The following SUGCT variants were observed in gnomAD, a reference collection of about 807,000 sequenced individuals.
The protein encoded by SUGCT is succinyl-CoA:glutarate-CoA transferase.
SUGCT carries 41 observed loss-of-function variants against 55.0 expected under a neutral mutation model. That is an observed-to-expected ratio of 0.74 (90% CI 0.58 to 0.97). SUGCT has a LOEUF of 0.97. Among genes scored for constraint, SUGCT ranks in the 50% least tolerant of loss-of-function variants. The pLI is 0.00. For synonymous variants in SUGCT, 187 were observed against 200.4 expected, an observed-to-expected ratio of 0.93 and a Z score of 0.56; for missense variants, 568 against 547.8, an observed-to-expected ratio of 1.04 and a Z score of -0.37.
chr7:40,535,818 T>C (rs1028270679), intron 12 of SUGCT, among the ~76,000 whole-genome samples: 1 of 152,192 alleles, frequency 6.6e-6, no homozygotes, highest in African/African-American at 2.4e-5. Flanking sequence ...ATTACAGATA[T>C]GAGCCACTGC....
At chr7:40,238,169 G>T (rs1204728716) in intron 7 of SUGCT, among the ~76,000 whole-genome samples, 2 of 152,120 alleles carry the variant, frequency 1.3e-5, no homozygotes, top group South Asian at 2.1e-4. Context: ...ATAGCAGAGG[G>T]TCTATTTTTC....
At chr7:40,536,558 A>T (rs1278035255) in intron 12 of SUGCT, among the ~76,000 whole-genome samples, 1 of 152,264 alleles carries the variant, frequency 6.6e-6, no homozygotes, top group Non-Finnish European at 1.5e-5. Context: ...AGATAGCCAC[A>T]TAGGGCCAGG....
chr7:40,897,539 C>G, the SUGCT span, among the ~76,000 whole-genome samples: 1 of 151,796 alleles, frequency 6.6e-6, no homozygotes, highest in Non-Finnish European at 1.5e-5. Flanking sequence ...GGATAGGATC[C>G]AAGTTATGTT....
chr7:40,568,335 GCA>G (rs145240668), intron 12 of SUGCT, among the ~76,000 whole-genome samples: 3 of 150,346 alleles, frequency 2.0e-5, no homozygotes, highest in Non-Finnish European at 4.5e-5. Context: ...ACACACACAT[GCA>G]CACACACACA....
intron 7 of SUGCT, among the ~76,000 whole-genome samples, chr7:40,273,243 C>T (rs560513465): frequency 6.6e-6 from 1 of 152,196 alleles, no homozygotes; most frequent in East Asian, 1.9e-4. Flanking sequence ...AGTTTAGCTA[C>T]TATACCGTCT....
intron 1 of SUGCT, among the ~76,000 whole-genome samples, chr7:40,174,658 A>G (rs1415153720): frequency 6.6e-6 from 1 of 152,210 alleles, no homozygotes; most frequent in African/African-American, 2.4e-5. Context: ...ACATAAATAA[A>G]TGAATAAAGT....
At chr7:41,034,313 G>A in the SUGCT span, among the ~76,000 whole-genome samples, 1 of 152,164 alleles carries the variant, frequency 6.6e-6, no homozygotes, top group Non-Finnish European at 1.5e-5. Flanking sequence ...TATCTGTGTG[G>A]TCGAGAGAAT....
rs375904118 is a variant in SUGCT at position 40,266,185 on chromosome 7, C to CTTTCCTTT, written c.577-8325_577-8324insCCTTTTTT. Among the ~76,000 whole-genome samples, 108 of 116,812 alleles carry CTTTCCTTT rather than the reference C, an allele frequency of 9.2e-4. 1 individual carries two copies. Among genetic ancestry groups the CTTTCCTTT allele is most frequent in the Non-Finnish European group, 8.5e-4 (51 of 59,670 alleles). 76.6% of individuals were successfully genotyped at this position (116,812 alleles called of 152,430 possible). ...TTTTTCTTTTCTTTTCTTTCCTTTC[C>CTTTCCTTT]TTTTTTTTTTTTTTTTGAGGTGGAG... On this transcript the variant is annotated intron_variant, in intron 7 of 13. Transcript: ENST00000335693.
chr7:40,948,813 C>T, the SUGCT span, among the ~76,000 whole-genome samples: 5 of 152,236 alleles, frequency 3.3e-5, no homozygotes, highest in Admixed American at 2.6e-4. Context: ...CATAGTATTC[C>T]ATGGTGTATA....
intron 7 of SUGCT, among the ~76,000 whole-genome samples, chr7:40,261,872 T>A (rs906265322): frequency 2.0e-5 from 3 of 152,234 alleles, no homozygotes; most frequent in African/African-American, 7.2e-5. Flanking sequence ...GCACAGAAAC[T>A]GTAACTAAGA....
intron 1 of SUGCT, among the ~76,000 whole-genome samples, chr7:40,144,250 G>T (rs1484627421): frequency 6.6e-6 from 1 of 152,122 alleles, no homozygotes; most frequent in East Asian, 1.9e-4. Flanking sequence ...GGTATAACAA[G>T]GCAAGCATCA....
chr7:40,168,166 C>T (rs1008214855), intron 1 of SUGCT, among the ~76,000 whole-genome samples: 4 of 152,158 alleles, frequency 2.6e-5, no homozygotes, highest in African/African-American at 9.7e-5. Flanking sequence ...GGTCACCTTC[C>T]CAGCTAGTCT....
intron 12 of SUGCT, among the ~76,000 whole-genome samples, chr7:40,619,037 C>A (rs1799145018): frequency 6.6e-6 from 1 of 152,144 alleles, no homozygotes; most frequent in Non-Finnish European, 1.5e-5. Flanking sequence ...ATTCAACACT[C>A]CCTACCTCTA....
At chr7:40,294,593 GAGTGC>G (rs1433153381) in intron 8 of SUGCT, among the ~76,000 whole-genome samples, 1 of 152,102 alleles carries the variant, frequency 6.6e-6, no homozygotes, top group Non-Finnish European at 1.5e-5. Context: ...ACCCAGGCTG[GAGTGC>G]AGTGGCATTG....
At chr7:40,868,318 C>A in the SUGCT span, among the ~76,000 whole-genome samples, 2 of 152,126 alleles carry the variant, frequency 1.3e-5, no homozygotes, top group Admixed American at 6.5e-5. Flanking sequence ...CCTCCCCTCA[C>A]CCCTCACCCC....
At chr7:40,595,815 C>T (rs1211632292) in intron 12 of SUGCT, among the ~76,000 whole-genome samples, 2 of 152,110 alleles carry the variant, frequency 1.3e-5, no homozygotes, top group Non-Finnish European at 2.9e-5. Context: ...ACACTGTGAG[C>T]TGGATTGGAT....
the SUGCT span, among the ~76,000 whole-genome samples, chr7:40,971,932 A>G: frequency 5.8e-4 from 88 of 152,290 alleles, no homozygotes; most frequent in Middle Eastern, 6.8e-3. Context: ...TAAAAAATTC[A>G]TGTTTACACT....
chr7:40,384,408 C>T (rs537434566), intron 9 of SUGCT, among the ~76,000 whole-genome samples: 27 of 152,246 alleles, frequency 1.8e-4, no homozygotes, highest in African/African-American at 5.8e-4. Flanking sequence ...AAAGGCTTCA[C>T]GGATATGTGG....
At chr7:40,231,632 G>C (rs1216122091) in intron 6 of SUGCT, among the ~76,000 whole-genome samples, 1 of 152,090 alleles carries the variant, frequency 6.6e-6, no homozygotes, top group Non-Finnish European at 1.5e-5. Flanking sequence ...ACAATATCAG[G>C]GCCCAAGATA....
Sources: gnomAD v4.1 joint callset for allele counts (sites outside exome capture counted in the v4.1 genomes callset) on GRCh38, gnomAD v4.1.1 for gene constraint, MANE v1.5 for transcripts, NCBI Gene and HGNC (gene_info 2026-07-23, HGNC 2026-07-21) for gene names.